DEPTOR: variants seen among roughly 807,000 people sequenced by gnomAD.
DEPTOR encodes DEP domain-containing mTOR-interacting protein.
DEPTOR carries 41 observed loss-of-function variants against 41.6 expected under a neutral mutation model. The observed-to-expected ratio is 0.98, with a 90% CI of 0.77 to 1.28. DEPTOR has a LOEUF of 1.28. DEPTOR is among the 50% of genes most tolerant of loss of function. The pLI is 0.00. For missense variants in DEPTOR, 514 were observed against 527.9 expected (o/e 0.97, Z 0.26); for synonymous variants, 195 against 192.3 (o/e 1.01, Z -0.12).
intron 1 of DEPTOR, among the ~76,000 whole-genome samples, chr8:119,924,826 A>AT (rs1280057206): frequency 2.0e-5 from 3 of 152,088 alleles, no homozygotes; most frequent in Non-Finnish European, 4.4e-5. Flanking sequence ...CGTACAGATT[A>AT]TTTCGCCACC....
intron 1 of DEPTOR, 161 bp downstream of exon 1, chr8:119,874,129 C>G: frequency 8.4e-7 from 1 of 1,194,862 alleles, no homozygotes. Flanking sequence ...CCGCGCTTAG[C>G]TGCTGCAGCC....
At chr8:120,020,929 T>C (rs552327176) in intron 8 of DEPTOR, among the ~76,000 whole-genome samples, 2 of 151,522 alleles carry the variant, frequency 1.3e-5, no homozygotes, top group South Asian at 4.2e-4. Context: ...CATGATGGCA[T>C]GTGCCTTTAA....
intron 3 of DEPTOR, among the ~76,000 whole-genome samples, chr8:119,932,122 C>T (rs968020461): frequency 6.6e-6 from 1 of 151,816 alleles, no homozygotes; most frequent in Non-Finnish European, 1.5e-5. Flanking sequence ...GCTGGGAGTA[C>T]AGACTTATGC....
intron 5 of DEPTOR, 90 bp downstream of exon 5, chr8:120,001,800 T>C: frequency 1.4e-6 from 2 of 1,408,280 alleles, no homozygotes; most frequent in Non-Finnish European, 1.9e-6. Context: ...TTCTGTTCTC[T>C]ATCAGAGCGT....
chr8:120,013,369 A>G (rs949405307), intron 8 of DEPTOR, among the ~76,000 whole-genome samples: 1 of 152,226 alleles, frequency 6.6e-6, no homozygotes, highest in Non-Finnish European at 1.5e-5. Flanking sequence ...TTATTTTCTT[A>G]CCGAAAATAC....
intron 8 of DEPTOR, among the ~76,000 whole-genome samples, chr8:120,024,667 G>A (rs1182417613): frequency 1.3e-5 from 2 of 152,124 alleles, no homozygotes; most frequent in Non-Finnish European, 2.9e-5. Flanking sequence ...CAGGGATTGT[G>A]GGCAAACTCC....
At chr8:119,910,363 C>T (rs939038896) in intron 1 of DEPTOR, among the ~76,000 whole-genome samples, 6 of 152,174 alleles carry the variant, frequency 3.9e-5, no homozygotes, top group Non-Finnish European at 8.8e-5. Context: ...CATTTTATTA[C>T]GCAGCCCTGG....
At chr8:119,989,048 A>T (rs1828866704) in intron 4 of DEPTOR, among the ~76,000 whole-genome samples, 1 of 140,204 alleles carries the variant, frequency 7.1e-6, no homozygotes. Context: ...TAATCTGCCT[A>T]CCTTGGACTC....
intron 4 of DEPTOR, among the ~76,000 whole-genome samples, chr8:119,996,272 C>T (rs904369160): frequency 6.6e-6 from 1 of 152,100 alleles, no homozygotes; most frequent in African/African-American, 2.4e-5. Flanking sequence ...AAATTGAATT[C>T]TCCTAGGCCA....
At chr8:119,925,966 C>T (rs1170936991) in intron 1 of DEPTOR, among the ~76,000 whole-genome samples, 1 of 152,194 alleles carries the variant, frequency 6.6e-6, no homozygotes, top group Non-Finnish European at 1.5e-5. Context: ...CAATGTTTAG[C>T]TCCCTTTTAG....
At chr8:119,991,062 C>CTT (rs1200066274) in intron 4 of DEPTOR, among the ~76,000 whole-genome samples, 1 of 64,664 alleles carries the variant, frequency 1.5e-5, no homozygotes, top group Non-Finnish European at 3.3e-5. Context: ...TTCTTTCTTT[C>CTT]TTTCTTTCTT....
intron 8 of DEPTOR, among the ~76,000 whole-genome samples, chr8:120,044,033 G>A (rs1813118732): frequency 6.7e-6 from 1 of 150,022 alleles, no homozygotes; most frequent in African/African-American, 2.5e-5. Context: ...TTGCATTGGG[G>A]ATGGTGGGTT....
chr8:119,935,287 A>G (rs1289586088), intron 3 of DEPTOR, among the ~76,000 whole-genome samples: 1 of 152,204 alleles, frequency 6.6e-6, no homozygotes, highest in African/African-American at 2.4e-5. Context: ...TTACTTCTCA[A>G]AGGAAACCTT....
intron 4 of DEPTOR, among the ~76,000 whole-genome samples, chr8:119,981,708 G>C (rs1033230964): frequency 2.0e-5 from 3 of 150,640 alleles, no homozygotes; most frequent in Admixed American, 6.6e-5. Flanking sequence ...CTTGATTTTG[G>C]CAATTCTCTT....
At chr8:119,942,171 A>G (rs1689539635) in intron 3 of DEPTOR, among the ~76,000 whole-genome samples, 1 of 152,168 alleles carries the variant, frequency 6.6e-6, no homozygotes, top group African/African-American at 2.4e-5. Context: ...CTGGCTTAGT[A>G]TGTAGAAGTG....
At chr8:119,952,257 CT>C in intron 3 of DEPTOR, among the ~76,000 whole-genome samples, 1 of 152,292 alleles carries the variant, frequency 6.6e-6, no homozygotes, top group Admixed American at 6.5e-5. Context: ...GACCTTAGGG[CT>C]TAATCTGTCC....
intron 8 of DEPTOR, among the ~76,000 whole-genome samples, chr8:120,009,354 T>C (rs749138105): frequency 1.3e-5 from 2 of 152,152 alleles, no homozygotes; most frequent in Admixed American, 6.5e-5. Context: ...GGCTCACACC[T>C]GTAATTCCAG....
intron 8 of DEPTOR, among the ~76,000 whole-genome samples, chr8:120,032,775 C>T (rs548468131): frequency 6.6e-6 from 1 of 152,346 alleles, no homozygotes; most frequent in South Asian, 2.1e-4. Flanking sequence ...TGCTTCACTT[C>T]CACCTTCCAG....
chr8:120,009,722 C>T (rs1310170170), intron 8 of DEPTOR, among the ~76,000 whole-genome samples: 1 of 152,136 alleles, frequency 6.6e-6, no homozygotes, highest in Non-Finnish European at 1.5e-5. Context: ...CTTTTTCTCC[C>T]TAAGCGTTTT....
Sources: allele counts gnomAD v4.1 joint callset (sites outside exome capture counted in the v4.1 genomes callset), GRCh38; gene constraint gnomAD v4.1.1; transcripts MANE v1.5; gene names NCBI Gene and HGNC (gene_info 2026-07-23, HGNC 2026-07-21).